Variants in VEGFC observed in about 807,000 individuals in gnomAD.
The protein encoded by VEGFC is FLT4 ligand DHM.
A neutral mutation model predicts 46.1 loss-of-function variants in VEGFC; 12 were observed. The ratio of observed to expected loss-of-function variants is 0.26; its 90% CI spans 0.17 to 0.42. The LOEUF (loss-of-function observed/expected upper bound fraction) is 0.42. VEGFC is among the 10% of genes least tolerant of loss of function. The pLI is 1.00. For missense variants in VEGFC, 488 were observed against 529.4 expected (o/e 0.92, Z 0.77); for synonymous variants, 232 against 195.5 (o/e 1.19, Z -1.56).
intron 4 of VEGFC, among the ~76,000 whole-genome samples, chr4:176,691,656 A>G (rs1734181345): frequency 1.3e-5 from 2 of 152,266 alleles, no homozygotes; most frequent in African/African-American, 4.8e-5. Context: ...AAACTAAAGA[A>G]CAATGAATTT....
chr4:176,765,324 G>A (rs1735600222), intron 1 of VEGFC, among the ~76,000 whole-genome samples: 1 of 151,608 alleles, frequency 6.6e-6, no homozygotes. Context: ...GTGACATAGA[G>A]ATATAGAGCA....
intron 1 of VEGFC, among the ~76,000 whole-genome samples, chr4:176,789,916 A>G (rs1736062755): frequency 6.6e-6 from 1 of 152,164 alleles, no homozygotes; most frequent in African/African-American, 2.4e-5. Flanking sequence ...TTATGAAAAC[A>G]TTGCATCTAT....
At chr4:176,757,903 T>C (rs1451461842) in intron 1 of VEGFC, among the ~76,000 whole-genome samples, 2 of 152,074 alleles carry the variant, frequency 1.3e-5, no homozygotes, top group African/African-American at 4.8e-5. Context: ...GGGAATATTA[T>C]TCCATTATAT....
At chr4:176,783,083 G>A (rs1293080979) in intron 1 of VEGFC, among the ~76,000 whole-genome samples, 1 of 152,162 alleles carries the variant, frequency 6.6e-6, no homozygotes, top group Admixed American at 6.6e-5. Flanking sequence ...AATTGACAAA[G>A]AGAACCACCA....
intron 6 of VEGFC, among the ~76,000 whole-genome samples, chr4:176,684,758 T>G (rs1734008147): frequency 6.6e-6 from 1 of 152,282 alleles, no homozygotes; most frequent in African/African-American, 2.4e-5. Flanking sequence ...CAGAGTCTTG[T>G]TCTGTCGCCC....
At chr4:176,789,944 A>C (rs528706986) in intron 1 of VEGFC, among the ~76,000 whole-genome samples, 1 of 152,334 alleles carries the variant, frequency 6.6e-6, no homozygotes, top group East Asian at 1.9e-4. Context: ...ATAGATATTT[A>C]GCATCTTCTG....
intron 4 of VEGFC, among the ~76,000 whole-genome samples, 198 bp from the exon 5 acceptor site, chr4:176,688,125 T>A (rs991865771): frequency 2.6e-5 from 4 of 152,210 alleles, no homozygotes; most frequent in African/African-American, 9.6e-5. Context: ...AGGTGATCAC[T>A]GTTTGTGGTA....
intron 1 of VEGFC, among the ~76,000 whole-genome samples, chr4:176,788,676 T>C (rs1481477772): frequency 6.6e-6 from 1 of 152,180 alleles, no homozygotes; most frequent in Non-Finnish European, 1.5e-5. Flanking sequence ...TGCATATTAT[T>C]AGCCCAGGAA....
chr4:176,752,088 G>T (rs1194648174), intron 1 of VEGFC, among the ~76,000 whole-genome samples: 1 of 151,860 alleles, frequency 6.6e-6, no homozygotes, highest in Non-Finnish European at 1.5e-5. Context: ...AAATGTAATA[G>T]TTATTTTTTT....
At chr4:176,716,533 C>T (rs1339084051) in intron 3 of VEGFC, among the ~76,000 whole-genome samples, 10 of 143,410 alleles carry the variant, frequency 7.0e-5, no homozygotes, top group African/African-American at 1.6e-4. Context: ...GCCCAGATTG[C>T]ACCACTGCAC....
rs1734806481 is a variant in VEGFC, at chr4:176,722,513, T to TC, written c.552+5264_552+5265insG. ...GTTTTTTTTTTGTTTTTTTTTTTTT[T>TC]GAGGCAGGGTCTGGCTCTGTCACCC... On this transcript the variant is annotated intron_variant, in intron 3 of 6. Transcript: ENST00000618562. Among the ~76,000 whole-genome samples, 4 of 147,062 alleles carry TC rather than the reference T, an allele frequency of 2.7e-5. No individual in the cohort carries two copies. The South Asian group carries it at 6.4e-4, about 23-fold the overall frequency.
At chr4:176,691,713 TTAAAAGA>T in intron 4 of VEGFC, among the ~76,000 whole-genome samples, 1 of 152,334 alleles carries the variant, frequency 6.6e-6, no homozygotes, top group South Asian at 2.1e-4. Context: ...CTTTGAAATA[TTAAAAGA>T]TAAATGTATT....
At chr4:176,717,815 T>G (rs1734721771) in intron 3 of VEGFC, among the ~76,000 whole-genome samples, 1 of 152,076 alleles carries the variant, frequency 6.6e-6, no homozygotes, top group Non-Finnish European at 1.5e-5. Flanking sequence ...TACAACGAAT[T>G]TAAAGAAATA....
chr4:176,751,902 GC>G (rs1174713322), intron 1 of VEGFC, among the ~76,000 whole-genome samples: 1 of 151,512 alleles, frequency 6.6e-6, no homozygotes, highest in African/African-American at 2.4e-5. Flanking sequence ...ATTTGATAGA[GC>G]CCCACCATGG....
rs1374586408 is a variant in VEGFC, at chr4:176,683,711, C to T, written c.*215G>A. 5.4e-6 allele frequency: 2 copies of T among 371,528 alleles called. No individual in the cohort carries two copies. 23.0% of individuals were successfully genotyped at this position (371,528 alleles called of 1,614,324 possible). A position where few individuals can be genotyped will look rare whatever the true frequency, so the allele number is the denominator to read the frequency against. On this transcript the variant is annotated 3_prime_UTR_variant, in exon 7 of 7. Coordinates refer to ENST00000618562, the MANE Select transcript of VEGFC (RefSeq NM_005429.5). ...AGAAATCACAAGAGGAAAATCTTGGCTGTTTGGTCATTGGCAGAAAACCAG... is the reference window on the plus strand; with the variant it reads ...AGAAATCACAAGAGGAAAATCTTGGTTGTTTGGTCATTGGCAGAAAACCAG...
At chr4:176,756,548 T>C (rs1407078369) in intron 1 of VEGFC, among the ~76,000 whole-genome samples, 1 of 151,928 alleles carries the variant, frequency 6.6e-6, no homozygotes, top group East Asian at 1.9e-4. Context: ...TGTGCTTACA[T>C]GTTAGACAAG....
chr4:176,764,809 C>G (rs755221040), intron 1 of VEGFC, among the ~76,000 whole-genome samples: 3 of 152,102 alleles, frequency 2.0e-5, no homozygotes, highest in Non-Finnish European at 2.9e-5. Context: ...ATAGTCTAGA[C>G]AGTTATAATT....
chr4:176,726,353 G>C (rs1734872938), intron 3 of VEGFC, among the ~76,000 whole-genome samples: 1 of 152,040 alleles, frequency 6.6e-6, no homozygotes, highest in Non-Finnish European at 1.5e-5. Flanking sequence ...ATTGCATCTG[G>C]CTAAGCTTAA....
At chr4:176,702,477 T>C (rs1458225479) in intron 4 of VEGFC, among the ~76,000 whole-genome samples, 1 of 152,112 alleles carries the variant, frequency 6.6e-6, no homozygotes, top group Non-Finnish European at 1.5e-5. Flanking sequence ...GTCTTGTCAA[T>C]CATTCCTCTA....
Sources: allele counts gnomAD v4.1 joint callset (sites outside exome capture counted in the v4.1 genomes callset), GRCh38; gene constraint gnomAD v4.1.1; transcripts MANE v1.5; gene names NCBI Gene and HGNC (gene_info 2026-07-23, HGNC 2026-07-21).